The following DNAH7 variants were observed in gnomAD, a reference collection of about 807,000 sequenced individuals.
DNAH7 encodes the protein dynein axonemal heavy chain 7, also known as axonemal beta dynein heavy chain 7.
Under a neutral mutation model 444.6 loss-of-function variants are expected in DNAH7, and 397 were observed. That is an observed-to-expected ratio of 0.89 (90% CI 0.82 to 0.97). The LOEUF is 0.97. Ranked by LOEUF, DNAH7 falls within the 50% of genes least tolerant of loss-of-function variation. DNAH7 has a pLI of 0.00. For missense variants in DNAH7, 4,902 were observed against 4,800.8 expected (o/e 1.02, Z -0.62); for synonymous variants, 1,636 against 1,624.4 (o/e 1.01, Z -0.17).
intron 25 of DNAH7, 45 bp from the exon 26 acceptor site, chr2:195,907,054 A>G (rs764230302): frequency 1.4e-6 from 2 of 1,436,144 alleles, no homozygotes; most frequent in East Asian, 2.3e-5. Flanking sequence ...ATCTGATTCA[A>G]TGTTGCAATG....
rs376685120 is a variant in DNAH7 at position 195,799,409 on chromosome 2, G to A, written c.10240C>T (p.Pro3414Ser). ...RLGRAFIEPPPFDLAKAFGDS... is the reference protein window; with the variant it reads ...RLGRAFIEPPSFDLAKAFGDS... ...CCAAATGCCTTGGCTAAATCAAAGG[G>A]GGGTGGTTCAATGAATGCACGTCCC... The change falls in exon 55 of 65, where the codon CCC (proline) becomes TCC (serine). Residue 3414 changes from proline (P) to serine (S), a missense_variant. Physicochemically the swap from Pro to Ser is moderately conservative, Grantham distance 74. Transcript: ENST00000312428. The A allele has an allele frequency of 1.2e-6, 2 of 1,610,700 alleles. No individual in the cohort carries two copies. The highest frequency in any genetic ancestry group is 1.7e-6 in the Non-Finnish European group (2 of 1,178,494).
intron 55 of DNAH7, among the ~76,000 whole-genome samples, chr2:195,797,241 G>A (rs1696190173): frequency 1.3e-5 from 2 of 152,204 alleles, no homozygotes; most frequent in Non-Finnish European, 2.9e-5. Flanking sequence ...CTGTGGGAAT[G>A]TTTTCCTATA....
chr2:196,044,107 G>A (rs938393176), intron 5 of DNAH7, among the ~76,000 whole-genome samples: 2 of 151,728 alleles, frequency 1.3e-5, no homozygotes, highest in African/African-American at 2.4e-5. Context: ...TTGCACACAC[G>A]TTTATAGCAG....
chr2:195,872,995 A>G (rs139271306), intron 39 of DNAH7, among the ~76,000 whole-genome samples: 2 of 152,386 alleles, frequency 1.3e-5, no homozygotes, highest in East Asian at 3.9e-4. Flanking sequence ...TAAAGAATGT[A>G]GAGAAATAAT....
chr2:195,828,001 C>T (rs1697863609), intron 48 of DNAH7, among the ~76,000 whole-genome samples: 1 of 152,190 alleles, frequency 6.6e-6, no homozygotes, highest in African/African-American at 2.4e-5. Flanking sequence ...AACTACCAAT[C>T]ATCCTGCTTT....
intron 43 of DNAH7, among the ~76,000 whole-genome samples, 199 bp downstream of exon 43, chr2:195,858,275 A>C (rs972424984): frequency 6.6e-6 from 1 of 152,200 alleles, no homozygotes; most frequent in Non-Finnish European, 1.5e-5. Flanking sequence ...GCTTTCTTCC[A>C]TTTCAAAGGT....
chr2:196,043,373 CA>C (rs1696896187), intron 5 of DNAH7, among the ~76,000 whole-genome samples: 1 of 151,768 alleles, frequency 6.6e-6, no homozygotes, highest in Non-Finnish European at 1.5e-5. Flanking sequence ...CAATGCATGC[CA>C]AAACATAATG....
chr2:195,845,963 C>A (rs985371375), intron 46 of DNAH7, among the ~76,000 whole-genome samples: 4 of 152,160 alleles, frequency 2.6e-5, no homozygotes, highest in African/African-American at 4.8e-5. Flanking sequence ...GATTAAATGG[C>A]AAGGATGCCA....
chr2:195,810,625 C>T (rs1259101902), intron 51 of DNAH7, among the ~76,000 whole-genome samples: 1 of 140,516 alleles, frequency 7.1e-6, no homozygotes. Flanking sequence ...ATCATCCTAG[C>T]TTTTTTTTTT....
At position 195,923,686 on chromosome 2, in the gene DNAH7, T is replaced by C. The variant is rs1239015134; in HGVS notation, c.3734A>G (p.His1245Arg). 3 of 1,614,126 alleles carry C rather than the reference T, an allele frequency of 1.9e-6. No individual in the cohort carries two copies. The South Asian group carries it at 3.3e-5, about 18-fold the overall frequency. The change falls in exon 23 of 65, where the codon CAT becomes CGT. Residue 1245 changes from histidine (H) to arginine (R), a missense_variant. By Grantham distance (29) the His-to-Arg change is conservative. Transcript: ENST00000312428. ...TLGALVVLDV[H>R]ARDVLSSLVK... is the part of the protein sequence containing the mutation. ...AAGTGATGAGAGGACATCTCTAGCATGGACATCCAGTACCACAAGTGCTCC... is the reference window on the plus strand; with the variant it reads ...AAGTGATGAGAGGACATCTCTAGCACGGACATCCAGTACCACAAGTGCTCC...
In DNAH7 at chr2:195,829,171, A is replaced by C. The variant is rs1697941573; in HGVS notation, c.9101-4726T>G. Among the ~76,000 whole-genome samples, 4 of 152,298 alleles carry C rather than the reference A, an allele frequency of 2.6e-5. 1 individual carries two copies. In the South Asian group the frequency reaches 8.3e-4, roughly 32 times the overall value. On this transcript the variant is annotated intron_variant, in intron 48 of 64. Transcript: ENST00000312428. ...TTTCTATTCACTGGTTGACTATAAT[A>C]ACTACCAAAATAGGTGGTTCTCAGT...
rs754467112 is a variant in DNAH7 at position 195,794,411 on chromosome 2, C to G, written c.10643G>C (p.Arg3548Pro). Residue 3548 changes from arginine (R) to proline (P), a missense_variant, in exon 57 of 65, where the codon CGG becomes CCG. Physicochemically the swap from Arg to Pro is moderately radical, Grantham distance 103. Transcript: ENST00000312428. ...KMTNEAPKGL[R>P]ANIIRSYLMD... is the part of the protein sequence containing the mutation. ...GAGGTATGATCGAATGATATTAGCCCGTAAACCTTTTGGTGCTTCATTGGT... is the reference window on the plus strand; with the variant it reads ...GAGGTATGATCGAATGATATTAGCCGGTAAACCTTTTGGTGCTTCATTGGT... 1.2e-6 allele frequency: 2 copies of G among 1,614,088 alleles called. No homozygotes were observed. The highest frequency in any genetic ancestry group is 3.3e-5 in the Admixed American group (2 of 60,024).
intron 9 of DNAH7, among the ~76,000 whole-genome samples, chr2:196,014,414 A>G (rs893965066): frequency 6.6e-6 from 1 of 152,104 alleles, no homozygotes; most frequent in African/African-American, 2.4e-5. Flanking sequence ...CACCCAGACC[A>G]TGAAACTCAG....
At chr2:195,780,196 CAA>C (rs1377265839) in intron 58 of DNAH7, among the ~76,000 whole-genome samples, 1 of 151,862 alleles carries the variant, frequency 6.6e-6, no homozygotes, top group African/African-American at 2.4e-5. Flanking sequence ...GATAATAAAA[CAA>C]TATAATTATT....
chr2:196,009,266 A>G (rs1694578737), intron 10 of DNAH7, among the ~76,000 whole-genome samples: 1 of 152,204 alleles, frequency 6.6e-6, no homozygotes, highest in Non-Finnish European at 1.5e-5. Flanking sequence ...TTCTGGAACT[A>G]ATGGTAATGG....
At chr2:195,798,549 TTTTTTTTTTC>T (rs1696277416) in intron 55 of DNAH7, among the ~76,000 whole-genome samples, 2 of 101,518 alleles carry the variant, frequency 2.0e-5, no homozygotes, top group South Asian at 6.4e-4. Context: ...TTTTTTTTTT[TTTTTTTTTTC>T]TTGAGATGGA....
rs1433690810 is a variant in DNAH7, at chr2:195,934,675, C to T, written c.3387G>A (p.Glu1129=). 4 of 1,613,994 alleles carry T rather than the reference C, an allele frequency of 2.5e-6. No homozygotes were observed. Among genetic ancestry groups the T allele is most frequent in the East Asian group, 2.2e-5 (1 of 44,894 alleles). The change falls in exon 21 of 65, where the codon GAG becomes GAA. Residue 1129 remains glutamate, a synonymous_variant. Coordinates refer to ENST00000312428, the MANE Select transcript of DNAH7 (RefSeq NM_018897.3). ...SSEGEVVELI[E]IISTAKARGQ... ...CTCTGGCTTTGGCTGTTGAAATAATCTCTATGAGTTCTACAACCTCTCCTT... is the reference window on the plus strand; with the variant it reads ...CTCTGGCTTTGGCTGTTGAAATAATTTCTATGAGTTCTACAACCTCTCCTT...
chr2:196,003,497 T>C (rs1694175783), intron 10 of DNAH7, among the ~76,000 whole-genome samples: 1 of 152,200 alleles, frequency 6.6e-6, no homozygotes, highest in South Asian at 2.1e-4. Flanking sequence ...ATTCTCAAAG[T>C]GCTTAATAGA....
chr2:195,943,954 C>G (rs372676545), intron 19 of DNAH7, among the ~76,000 whole-genome samples: 1 of 152,090 alleles, frequency 6.6e-6, no homozygotes, highest in South Asian at 2.1e-4. Context: ...CAAATATGCT[C>G]GCTTTTAGGT....
Sources: gnomAD v4.1 joint callset for allele counts (sites outside exome capture counted in the v4.1 genomes callset) on GRCh38, gnomAD v4.1.1 for gene constraint, MANE v1.5 for transcripts, NCBI Gene and HGNC (gene_info 2026-07-23, HGNC 2026-07-21) for gene names.